ATAD5: variants seen among roughly 807,000 people sequenced by gnomAD.
The protein encoded by ATAD5 is ATPase family AAA domain-containing protein 5.
In ATAD5, 58 loss-of-function variants were observed where a neutral mutation model predicts 176.9. The observed-to-expected ratio is 0.33, with a 90% CI of 0.27 to 0.41. The LOEUF (loss-of-function observed/expected upper bound fraction) is 0.41. ATAD5 is among the 10% of genes least tolerant of loss of function. ATAD5 has a pLI of 1.00. For missense variants in ATAD5, 1,789 were observed against 2,094.1 expected, an observed-to-expected ratio of 0.85 and a Z score of 2.84; for synonymous variants, 640 against 712.6, an observed-to-expected ratio of 0.90 and a Z score of 1.62.
chr17:30,874,144 G>A (rs1173289636), intron 14 of ATAD5, among the ~76,000 whole-genome samples: 1 of 150,382 alleles, frequency 6.6e-6, no homozygotes, highest in Non-Finnish European at 1.5e-5. Context: ...CAGCCTGGGC[G>A]ACAGTGTGAG....
chr17:30,889,642 T>C (rs1228603203), intron 19 of ATAD5, among the ~76,000 whole-genome samples: 2 of 151,862 alleles, frequency 1.3e-5, no homozygotes, highest in African/African-American at 4.8e-5. Flanking sequence ...TTCAAGTGAG[T>C]ACCTTCTCCA....
intron 6 of ATAD5, among the ~76,000 whole-genome samples, chr17:30,850,856 TATATATA>T (rs1906881097): frequency 2.6e-5 from 1 of 38,756 alleles, no homozygotes; most frequent in Non-Finnish European, 5.8e-5. Flanking sequence ...TATATATATA[TATATATA>T]TATATATTTT....
At chr17:30,848,833 T>A (rs1305079924) in intron 6 of ATAD5, among the ~76,000 whole-genome samples, 1 of 152,166 alleles carries the variant, frequency 6.6e-6, no homozygotes, top group African/African-American at 2.4e-5. Context: ...ATTTTGAGAT[T>A]TATTCATGTT....
At chr17:30,892,093 C>A (rs1909667219) in intron 19 of ATAD5, among the ~76,000 whole-genome samples, 1 of 151,984 alleles carries the variant, frequency 6.6e-6, no homozygotes, top group South Asian at 2.1e-4. Context: ...CTTTGAAAGT[C>A]CCCCACCATC....
rs899010070 is a variant in ATAD5 at position 30,895,648 on chromosome 17, C to T, written c.*735C>T. On this transcript the variant is annotated 3_prime_UTR_variant, in exon 23 of 23. Coordinates refer to ENST00000321990, the MANE Select transcript of ATAD5 (RefSeq NM_024857.5). ...TCTTAACTCCTGACCTCAAGTGATC[C>T]ATCTGCCTCGGCCTCCCAAAGTGCT... 6.6e-6 allele frequency: 1 copy of T among 152,312 alleles called. No homozygotes were observed. Among genetic ancestry groups the T allele is most frequent in the African/African-American group, 2.4e-5 (1 of 41,422 alleles). 9.4% of individuals were successfully genotyped at this position (152,312 alleles called of 1,614,324 possible).
At chr17:30,832,963 C>A (rs1198995410) in intron 1 of ATAD5, among the ~76,000 whole-genome samples, 2 of 152,160 alleles carry the variant, frequency 1.3e-5, no homozygotes, top group African/African-American at 4.8e-5. Context: ...CAGTGACAGG[C>A]ACTAAGCGGT....
rs535499857 is a variant in ATAD5 at position 30,852,174 on chromosome 17, AT to A, written c.2451-2964del. On this transcript the variant is annotated intron_variant, in intron 6 of 22. Transcript: ENST00000321990. ...TATCTATTTATTCACTTATTTCTTC[AT>A]TTTTATTATATTCAGTGGATTGTAA... 6.9e-4 allele frequency among the ~76,000 whole-genome samples: 105 copies of A among 151,984 alleles called. No individual in the cohort carries two copies. In the East Asian group the frequency reaches 0.017, roughly 25 times the overall value.
intron 14 of ATAD5, among the ~76,000 whole-genome samples, chr17:30,870,136 A>G (rs1251160033): frequency 6.6e-6 from 1 of 152,126 alleles, no homozygotes; most frequent in Non-Finnish European, 1.5e-5. Flanking sequence ...TCTATTAACT[A>G]TATTTCTTCA....
Position 30,843,941 on chromosome 17 carries a change from C to G in ATAD5, c.2270C>G (p.Pro757Arg). ...EDSVIIIDSSPTALKHPEKNQ... is the reference protein window; with the variant it reads ...EDSVIIIDSSRTALKHPEKNQ... ...TCTGTTATAATAATAGATTCAAGTC[C>G]TACTGCTTTAAAGCATCCAGAGAAA... The change falls in exon 5 of 23, where the codon CCT (proline) becomes CGT (arginine). Residue 757 changes from proline to arginine, a missense_variant. By Grantham distance (103) the Pro-to-Arg change is moderately radical. Coordinates refer to ENST00000321990, the MANE Select transcript of ATAD5 (RefSeq NM_024857.5). The G allele has an allele frequency of 6.8e-7, 1 of 1,464,000 alleles. No homozygotes were observed. Among genetic ancestry groups the G allele is most frequent in the Non-Finnish European group, 9.3e-7 (1 of 1,076,544 alleles). 90.7% of individuals were successfully genotyped at this position (1,464,000 alleles called of 1,614,324 possible). A position where few individuals can be genotyped will look rare whatever the true frequency, so the allele number is the denominator to read the frequency against.
intron 18 of ATAD5, among the ~76,000 whole-genome samples, chr17:30,886,503 G>A (rs1049614392): frequency 4.0e-5 from 6 of 151,790 alleles, no homozygotes; most frequent in Non-Finnish European, 8.8e-5. Flanking sequence ...AGGTTCAAGC[G>A]ATTCTCCTGC....
rs547860840 is a variant in ATAD5, at chr17:30,832,929, T to C, written c.66+516T>C. 1.4e-4 allele frequency among the ~76,000 whole-genome samples: 21 copies of C among 152,312 alleles called. No homozygotes were observed. The South Asian group carries it at 4.1e-3, about 30-fold the overall frequency. ...TGCGGTTAGGAATCGCAGTGTAACATGTTCTTTTGGGTTTATCAGGTTTCA... is the reference window on the plus strand; with the variant it reads ...TGCGGTTAGGAATCGCAGTGTAACACGTTCTTTTGGGTTTATCAGGTTTCA... On this transcript the variant is annotated intron_variant, in intron 1 of 22. Transcript: ENST00000321990.
chr17:30,855,639 C>A (rs1280200173), intron 7 of ATAD5, among the ~76,000 whole-genome samples: 6 of 152,028 alleles, frequency 3.9e-5, no homozygotes, highest in Non-Finnish European at 7.4e-5. Flanking sequence ...GAGTTCGAGA[C>A]CAGCCTGGGC....
At chr17:30,873,320 CTTTTTTT>C (rs775667412) in intron 14 of ATAD5, among the ~76,000 whole-genome samples, 1 of 137,524 alleles carries the variant, frequency 7.3e-6, no homozygotes, top group Non-Finnish European at 1.6e-5. Flanking sequence ...ATTTCTTTTT[CTTTTTTT>C]TTTTTTTTTG....
At chr17:30,873,888 C>T (rs374810280) in intron 14 of ATAD5, among the ~76,000 whole-genome samples, 2 of 151,586 alleles carry the variant, frequency 1.3e-5, no homozygotes, top group African/African-American at 2.4e-5. Context: ...GTCTTTGGGC[C>T]GGGTACAGTG....
chr17:30,837,155 G>A, intron 2 of ATAD5, 51 bp from the exon 3 acceptor site: 1 of 1,009,812 alleles, frequency 9.9e-7, no homozygotes, highest in Non-Finnish European at 1.4e-6. Flanking sequence ...TGAGATTCTT[G>A]TGTATGTTAT....
chr17:30,855,094 T>C, intron 6 of ATAD5, 49 bp from the exon 7 acceptor site: 1 of 1,467,982 alleles, frequency 6.8e-7, no homozygotes, highest in Non-Finnish European at 9.2e-7. Context: ...TTTATTCCTT[T>C]AAATGTTTAT....
At chr17:30,859,423 G>A (rs1320710133) in intron 9 of ATAD5, among the ~76,000 whole-genome samples, 3 of 151,972 alleles carry the variant, frequency 2.0e-5, no homozygotes, top group Non-Finnish European at 4.4e-5. Context: ...GCAGTGGCGC[G>A]ATCTCAGCTC....
chr17:30,846,586 A>G (rs963745815), intron 6 of ATAD5, among the ~76,000 whole-genome samples: 15 of 151,870 alleles, frequency 9.9e-5, no homozygotes, highest in Admixed American at 7.2e-4. Flanking sequence ...TATTTTTAGT[A>G]GAGATGGGGT....
intron 17 of ATAD5, among the ~76,000 whole-genome samples, chr17:30,878,436 C>G (rs939678833): frequency 3.3e-5 from 5 of 152,092 alleles, no homozygotes; most frequent in African/African-American, 1.2e-4. Flanking sequence ...CTTAGCCACT[C>G]TTTTGCCCCT....
Sources: allele counts gnomAD v4.1 joint callset (sites outside exome capture counted in the v4.1 genomes callset), GRCh38; gene constraint gnomAD v4.1.1; transcripts MANE v1.5; gene names NCBI Gene and HGNC (gene_info 2026-07-23, HGNC 2026-07-21).